TNKS: variants seen among roughly 807,000 people sequenced by gnomAD.
TNKS encodes the protein poly [ADP-ribose] polymerase tankyrase-1.
A neutral mutation model predicts 135.8 loss-of-function variants in TNKS; 72 were observed. The observed-to-expected ratio is 0.53, with a 90% CI of 0.44 to 0.64. The LOEUF (loss-of-function observed/expected upper bound fraction) is 0.64, where lower values mean the gene tolerates loss of function less well. Among genes scored for constraint, TNKS ranks in the 30% least tolerant of loss-of-function variants. The pLI, the probability that TNKS is intolerant of heterozygous loss-of-function variation, is 0.00. For synonymous variants in TNKS, 849 were observed against 649.3 expected (o/e 1.31, Z -4.68); for missense variants, 1,769 against 1,674.0 (o/e 1.06, Z -0.99).
At chr8:9,623,290 A>G (rs148445647) in intron 3 of TNKS, among the ~76,000 whole-genome samples, 180 of 152,300 alleles carry the variant, frequency 1.2e-3, no homozygotes, top group African/African-American at 4.0e-3. Flanking sequence ...TGATCTATTG[A>G]TAGGTAAGAG....
chr8:9,575,842 C>G (rs890125466), intron 1 of TNKS, among the ~76,000 whole-genome samples: 1 of 152,152 alleles, frequency 6.6e-6, no homozygotes, highest in Non-Finnish European at 1.5e-5. Context: ...TGACTTAAAG[C>G]CTAAGGACAT....
intron 1 of TNKS, among the ~76,000 whole-genome samples, chr8:9,577,778 A>T (rs144310511): frequency 5.3e-5 from 8 of 152,266 alleles, no homozygotes; most frequent in African/African-American, 1.7e-4. Context: ...TCATATTTCA[A>T]AATACAATCA....
chr8:9,702,517 TA>T (rs1803855988), intron 5 of TNKS, among the ~76,000 whole-genome samples: 1 of 152,188 alleles, frequency 6.6e-6, no homozygotes, highest in Non-Finnish European at 1.5e-5. Flanking sequence ...ATAACATTCT[TA>T]AAATATTAAA....
intron 9 of TNKS, among the ~76,000 whole-genome samples, chr8:9,708,814 G>A (rs1050235418): frequency 2.6e-5 from 4 of 151,294 alleles, no homozygotes; most frequent in African/African-American, 9.7e-5. Flanking sequence ...TTTTTCTTAT[G>A]TTTGCTAGAT....
At chr8:9,612,105 C>G (rs935540521) in intron 2 of TNKS, among the ~76,000 whole-genome samples, 1 of 152,052 alleles carries the variant, frequency 6.6e-6, no homozygotes, top group African/African-American at 2.4e-5. Context: ...TCAAGTTTAG[C>G]CCCTTTATTT....
intron 3 of TNKS, among the ~76,000 whole-genome samples, chr8:9,624,445 G>T (rs1470880783): frequency 6.6e-6 from 1 of 152,142 alleles, no homozygotes; most frequent in Non-Finnish European, 1.5e-5. Flanking sequence ...ATAATTGTAA[G>T]TTCCCATGCA....
intron 26 of TNKS, among the ~76,000 whole-genome samples, chr8:9,776,253 G>T (rs1291111972): frequency 1.3e-5 from 2 of 152,108 alleles, no homozygotes; most frequent in Non-Finnish European, 2.9e-5. Flanking sequence ...GATTAATTTG[G>T]ACTGGATTCA....
At chr8:9,767,740 A>G (rs1202789697) in intron 25 of TNKS, among the ~76,000 whole-genome samples, 1 of 152,104 alleles carries the variant, frequency 6.6e-6, no homozygotes, top group Non-Finnish European at 1.5e-5. Context: ...CGGGCAGATC[A>G]TGCCGTCAGG....
intron 5 of TNKS, among the ~76,000 whole-genome samples, chr8:9,687,684 C>G (rs1036131882): frequency 6.6e-6 from 1 of 152,174 alleles, no homozygotes; most frequent in Non-Finnish European, 1.5e-5. Flanking sequence ...CCATTTACCT[C>G]TATTTAGCCA....
intron 3 of TNKS, among the ~76,000 whole-genome samples, chr8:9,639,165 A>T (rs775873861): frequency 6.6e-6 from 1 of 152,194 alleles, no homozygotes; most frequent in Admixed American, 6.5e-5. Flanking sequence ...AATATTTTCT[A>T]TGTTATTCAG....
chr8:9,770,378 A>G (rs1807754648), intron 26 of TNKS, 116 bp downstream of exon 26: 1 of 1,081,996 alleles, frequency 9.2e-7, no homozygotes, highest in Non-Finnish European at 1.3e-6. Context: ...GTGTGCTAGT[A>G]TTAATTACTT....
intron 3 of TNKS, among the ~76,000 whole-genome samples, chr8:9,640,263 C>T (rs1227764152): frequency 1.3e-5 from 2 of 152,138 alleles, no homozygotes; most frequent in Non-Finnish European, 2.9e-5. Context: ...AGCATCTGGC[C>T]AGGGCCTTCT....
chr8:9,734,056 A>G (rs1365410878), intron 15 of TNKS, among the ~76,000 whole-genome samples: 1 of 152,040 alleles, frequency 6.6e-6, no homozygotes, highest in African/African-American at 2.4e-5. Context: ...TTAACTACGG[A>G]AAAAAAATTG....
chr8:9,681,833 T>C (rs1228354502), intron 5 of TNKS, among the ~76,000 whole-genome samples: 1 of 152,122 alleles, frequency 6.6e-6, no homozygotes, highest in African/African-American at 2.4e-5. Flanking sequence ...CCAAAAATAG[T>C]GGCAAGGAAT....
rs146668875 is a variant in TNKS, at chr8:9,589,911, A to T, written c.898+9528A>T. ...CCACAAACTCTTCTGAATTAATTCT[A>T]TATGCATATACTGCCACCCAACACG... On this transcript the variant is annotated intron_variant, in intron 2 of 26. Coordinates refer to ENST00000310430, the MANE Select transcript of TNKS (RefSeq NM_003747.3). Among the ~76,000 whole-genome samples, 42 of 152,338 alleles carry T rather than the reference A, an allele frequency of 2.8e-4. No homozygotes were observed. In the South Asian group the frequency reaches 3.7e-3, roughly 14 times the overall value.
At chr8:9,645,065 G>T (rs1005242491) in intron 3 of TNKS, among the ~76,000 whole-genome samples, 1 of 152,154 alleles carries the variant, frequency 6.6e-6, no homozygotes, top group African/African-American at 2.4e-5. Context: ...AGTTAAACCA[G>T]ATGGGACTGG....
At chr8:9,673,033 C>G (rs1366996835) in intron 3 of TNKS, among the ~76,000 whole-genome samples, 1 of 151,950 alleles carries the variant, frequency 6.6e-6, no homozygotes, top group Non-Finnish European at 1.5e-5. Context: ...CTTTTAATAT[C>G]CAATTTAAAG....
intron 3 of TNKS, chr8:9,670,186 G>A (rs1350252085): frequency 6.6e-6 from 1 of 152,200 alleles, no homozygotes; most frequent in Admixed American, 6.5e-5. Flanking sequence ...GAAAAATATG[G>A]AGGACACTTT....
At chr8:9,583,010 CA>C (rs1426612159) in intron 2 of TNKS, among the ~76,000 whole-genome samples, 4 of 151,508 alleles carry the variant, frequency 2.6e-5, no homozygotes, top group Admixed American at 6.6e-5. Flanking sequence ...ACTAAAAATA[CA>C]AAAAAATTAG....
Sources: allele counts gnomAD v4.1 joint callset (sites outside exome capture counted in the v4.1 genomes callset), GRCh38; gene constraint gnomAD v4.1.1; transcripts MANE v1.5; gene names NCBI Gene and HGNC (gene_info 2026-07-23, HGNC 2026-07-21).